The following GALNT9 variants were observed in gnomAD, a reference collection of about 807,000 sequenced individuals.
GALNT9 encodes the protein polypeptide N-acetylgalactosaminyltransferase 9, also known as GalNAc transferase 9.
GALNT9 carries 47 observed loss-of-function variants against 63.1 expected under a neutral mutation model. The ratio of observed to expected loss-of-function variants is 0.75; its 90% CI spans 0.59 to 0.95. The LOEUF is 0.95. Among genes scored for constraint, GALNT9 ranks in the 40% least tolerant of loss-of-function variants. The pLI is 0.00. For missense variants in GALNT9, 829 were observed against 874.8 expected (o/e 0.95, Z 0.66); for synonymous variants, 396 against 365.7 (o/e 1.08, Z -0.94).
chr12:132,248,025 G>A lies in GALNT9; in HGVS notation c.962C>T (p.Thr321Ile), dbSNP rs1555238244. 3 of 1,549,448 alleles carry A rather than the reference G, an allele frequency of 1.9e-6. No homozygotes were observed. Residue 321 changes from threonine (T) to isoleucine (I), a missense_variant and splice_region_variant, in exon 6 of 11, where the codon ACC (threonine) becomes ATC (isoleucine). Coordinates refer to ENST00000328957, the MANE Select transcript of GALNT9 (RefSeq NM_001122636.2). Reference protein sequence around the residue: ...DRGDESAPIRTPAMIGCSFVV... With the variant: ...DRGDESAPIRIPAMIGCSFVV... ...GAAGGAGCAGCCGATCATGGCTGGG[G>A]TCCTGGGAGGCAGAGACAGCGGCGT...
intron 8 of GALNT9, chr12:132,200,901 T>C (rs1876017473): frequency 3.6e-6 from 2 of 557,222 alleles, no homozygotes; most frequent in Non-Finnish European, 6.4e-6. Flanking sequence ...TATGTGAACC[T>C]GCACCTTGTG....
rs1028173290 is a variant in GALNT9 at position 132,282,321 on chromosome 12, A to G, written c.419+3929T>C. Among the ~76,000 whole-genome samples the G allele has an allele frequency of 2.6e-5, 4 of 152,276 alleles. No individual in the cohort carries two copies. Among genetic ancestry groups the G allele is most frequent in the Non-Finnish European group, 4.4e-5 (3 of 68,042 alleles). On this transcript the variant is annotated intron_variant, in intron 2 of 10. Coordinates refer to ENST00000328957, the MANE Select transcript of GALNT9 (RefSeq NM_001122636.2). This position sits in a 1 kb window ranked among gnomAD's most constrained non-coding sequence, Gnocchi z 4.5. ...GGGTCCCACATCCCACAGAGGGGGA[A>G]TCCAATGGGACCCCTGCAGCTCTAA...
At chr12:132,217,789 GCCAT>G (rs983345378) in intron 6 of GALNT9, among the ~76,000 whole-genome samples, 5 of 128,556 alleles carry the variant, frequency 3.9e-5, no homozygotes, top group Non-Finnish European at 8.3e-5. Context: ...CATCCACCCA[GCCAT>G]CCATCCATCC....
At chr12:132,289,821 C>A (rs1880740499) in intron 1 of GALNT9, among the ~76,000 whole-genome samples, 1 of 152,232 alleles carries the variant, frequency 6.6e-6, no homozygotes, top group South Asian at 2.1e-4. Flanking sequence ...CACTGAGCTG[C>A]CTGACTTCTC....
At position 132,199,747 on chromosome 12, in the gene GALNT9, T is replaced by C. The variant is rs146959090; in HGVS notation, c.1402-478A>G. ...CCGGGCCAGACTGCTGGGGGATGTG[T>C]TGTCATCGGGCAGCCAACCTCCAGC... On this transcript the variant is annotated intron_variant, in intron 8 of 10. Coordinates refer to ENST00000328957, the MANE Select transcript of GALNT9 (RefSeq NM_001122636.2). Among the ~76,000 whole-genome samples the C allele has an allele frequency of 4.7e-3, 721 of 152,240 alleles. 25 individuals are homozygous for C. In the South Asian group the frequency reaches 0.091, roughly 19 times the overall value.
rs1454970348 is a variant in GALNT9, at chr12:132,265,014, C to T, written c.420-2389G>A. The stretch of plus-strand genomic sequence containing the variant: ...GATCCTGCCAGGTCGTTTCCACACG[C>T]GCGGAGTTGAAGCGTTTTTATTTAA... On this transcript the variant is annotated intron_variant, in intron 2 of 10. Coordinates refer to ENST00000328957, the MANE Select transcript of GALNT9 (RefSeq NM_001122636.2). The surrounding 1 kb of genome is among the most constrained non-coding windows in gnomAD (Gnocchi z 5.3). Among the ~76,000 whole-genome samples, 3 of 152,186 alleles carry T rather than the reference C, an allele frequency of 2.0e-5. No homozygotes were observed. The highest frequency in any genetic ancestry group is 6.5e-5 in the Admixed American group (1 of 15,276).
In GALNT9 at chr12:132,286,723, G is replaced by A. The variant is rs1326462984; in HGVS notation, c.239-293C>T. Reference sequence around the variant, plus strand: ...AATGGTGGATATCTGTTATTATTATGTATTTTTTGATTCAGGGTCTTGCTC... The same window carrying A: ...AATGGTGGATATCTGTTATTATTATATATTTTTTGATTCAGGGTCTTGCTC... On this transcript the variant is annotated intron_variant, in intron 1 of 10. Transcript: ENST00000328957. The surrounding 1 kb of genome is among the most constrained non-coding windows in gnomAD (Gnocchi z 7.4). Among the ~76,000 whole-genome samples the A allele has an allele frequency of 6.6e-6, 1 of 152,150 alleles. No individual in the cohort carries two copies. Among genetic ancestry groups the A allele is most frequent in the East Asian group, 1.9e-4 (1 of 5,184 alleles).
intron 5 of GALNT9, among the ~76,000 whole-genome samples, chr12:132,254,442 G>C (rs1342728165): frequency 6.6e-6 from 1 of 151,960 alleles, no homozygotes. Context: ...TTTTTCTCTC[G>C]CCTATTACTC....
In GALNT9 at chr12:132,203,030, G is replaced by A. The variant is rs545517338; in HGVS notation, c.1263+475C>T. Among the ~76,000 whole-genome samples, 6 of 152,290 alleles carry A rather than the reference G, an allele frequency of 3.9e-5. No homozygotes were observed. In the East Asian group the frequency reaches 7.7e-4, roughly 20 times the overall value. On this transcript the variant is annotated intron_variant, in intron 7 of 10. Transcript: ENST00000328957. ...TGGACGTGACTCAGCCATGGTGGGG[G>A]TGACCTGGAAAAGGTGGCGCTGAGG...
At chr12:132,228,899 G>A (rs1044199067) in intron 6 of GALNT9, among the ~76,000 whole-genome samples, 3 of 152,312 alleles carry the variant, frequency 2.0e-5, no homozygotes, top group East Asian at 3.9e-4. Context: ...TGAGCAGCTG[G>A]CATTTCTACC....
chr12:132,270,713 C>T (rs1448512190), intron 2 of GALNT9, among the ~76,000 whole-genome samples: 8 of 152,156 alleles, frequency 5.3e-5, no homozygotes, highest in South Asian at 2.1e-4. Flanking sequence ...GCCACGGACA[C>T]GGCCACGGCC....
In GALNT9 at chr12:132,245,234, G is replaced by A. The variant is rs1167405295; in HGVS notation, c.1077+2676C>T. Among the ~76,000 whole-genome samples, 1 of 152,050 alleles carries A rather than the reference G, an allele frequency of 6.6e-6. No individual in the cohort carries two copies. The highest frequency in any genetic ancestry group is 2.4e-5 in the African/African-American group (1 of 41,376). On this transcript the variant is annotated intron_variant, in intron 6 of 10. Transcript: ENST00000328957. The surrounding 1 kb of genome is among the most constrained non-coding windows in gnomAD (Gnocchi z 6.3). ...AGGCGGGCAGATCACCTGAGCTCAG[G>A]AGTTTGAGACTAGCCTGATCAACAT...
intron 6 of GALNT9, among the ~76,000 whole-genome samples, chr12:132,225,260 C>A (rs1385213832): frequency 4.8e-5 from 7 of 144,332 alleles, no homozygotes; most frequent in African/African-American, 1.0e-4. Flanking sequence ...TATACACCCC[C>A]CACACACCAC....
chr12:132,211,139 C>T (rs1259694127), intron 6 of GALNT9, among the ~76,000 whole-genome samples: 1 of 152,176 alleles, frequency 6.6e-6, no homozygotes, highest in Non-Finnish European at 1.5e-5. Flanking sequence ...AGTTTTGCCT[C>T]ATCCGCCACA....
intron 1 of GALNT9, among the ~76,000 whole-genome samples, chr12:132,303,718 C>G (rs868958889): frequency 6.2e-5 from 4 of 64,382 alleles, no homozygotes; most frequent in Non-Finnish European, 1.3e-4. Flanking sequence ...CACCCTCACC[C>G]GGGCACACCC....
chr12:132,321,790 C>A (rs1593126097), intron 1 of GALNT9, among the ~76,000 whole-genome samples: 1 of 152,088 alleles, frequency 6.6e-6, no homozygotes, highest in Non-Finnish European at 1.5e-5. Context: ...TGTCCCCTCA[C>A]ACACCTGTCC....
chr12:132,199,126 TG>T, intron 9 of GALNT9, 47 bp downstream of exon 9: 1 of 1,299,350 alleles, frequency 7.7e-7, no homozygotes, highest in Non-Finnish European at 1.1e-6. Context: ...CCGGGTGGCC[TG>T]GGGTCGTCCC....
At position 132,329,258 on chromosome 12, in the gene GALNT9, G is replaced by A. The variant is rs1203025073; in HGVS notation, c.-55C>T. The A allele has an allele frequency of 1.3e-6, 2 of 1,511,686 alleles. No homozygotes were observed. Among genetic ancestry groups the A allele is most frequent in the East Asian group, 2.5e-5 (1 of 39,822 alleles). 93.6% of individuals were successfully genotyped at this position (1,511,686 alleles called of 1,614,324 possible). On this transcript the variant is annotated 5_prime_UTR_variant, in exon 1 of 11. Coordinates refer to ENST00000328957, the MANE Select transcript of GALNT9 (RefSeq NM_001122636.2). ...CGGGGCATCCCCAGCATCCCCGCCC[G>A]GGCCTGGGCTTCAGCTTCGGCTTCG...
chr12:132,291,376 G>C (rs1303265354), intron 1 of GALNT9, among the ~76,000 whole-genome samples: 4 of 87,978 alleles, frequency 4.5e-5, no homozygotes, highest in Non-Finnish European at 6.6e-5. Context: ...CACGTCCACA[G>C]CACCCACGTC....
Sources: allele counts gnomAD v4.1 joint callset (sites outside exome capture counted in the v4.1 genomes callset), GRCh38; gene constraint gnomAD v4.1.1; non-coding constraint Gnocchi (gnomAD v3.1); transcripts MANE v1.5; gene names NCBI Gene and HGNC (gene_info 2026-07-23, HGNC 2026-07-21).